Variants in CES5A observed in about 807,000 individuals in gnomAD.
CES5A encodes the protein carboxylesterase 5A.
A neutral mutation model predicts 62.9 loss-of-function variants in CES5A; 67 were observed. The observed-to-expected ratio is 1.07, with a 90% CI of 0.88 to 1.31. CES5A has a LOEUF of 1.31. CES5A is among the 50% of genes most tolerant of loss of function. CES5A has a pLI of 0.00. For missense variants in CES5A, 748 were observed against 708.5 expected, an observed-to-expected ratio of 1.06 and a Z score of -0.63; for synonymous variants, 296 against 280.8, an observed-to-expected ratio of 1.05 and a Z score of -0.54.
intron 2 of CES5A, chr16:55,944,052 A>T (rs1290082919): frequency 4.3e-6 from 3 of 702,098 alleles, no homozygotes; most frequent in Non-Finnish European, 7.8e-6. Flanking sequence ...ACTCACCTCC[A>T]TGCAGAGAAG....
Position 55,862,788 on chromosome 16 carries a change from C to T in CES5A, c.810+560G>A, listed in dbSNP as rs371810674. 3.0e-4 allele frequency among the ~76,000 whole-genome samples: 46 copies of T among 152,284 alleles called. No homozygotes were observed. The East Asian group carries it at 7.9e-3, about 26-fold the overall frequency. The stretch of plus-strand genomic sequence containing the variant: ...ACTCATTCATCCGGAACACTTATGG[C>T]TGCCTGATATATACCAGGTATTATG... On this transcript the variant is annotated intron_variant, in intron 6 of 12. Transcript: ENST00000290567.
chr16:55,916,119 C>T (rs112000921), intron 1 of CES5A, among the ~76,000 whole-genome samples: 2,318 of 152,206 alleles, frequency 0.015, 74 homozygotes, highest in African/African-American at 0.053. Context: ...GGGTGGGGGC[C>T]ACAGGACCAG....
intron 1 of CES5A, among the ~76,000 whole-genome samples, chr16:55,919,085 G>T (rs1263173923): frequency 6.6e-6 from 1 of 152,162 alleles, no homozygotes; most frequent in Non-Finnish European, 1.5e-5. Flanking sequence ...AATCGGCTGA[G>T]ACCCAACTCT....
intron 1 of CES5A, among the ~76,000 whole-genome samples, chr16:55,903,199 T>C (rs2034008117): frequency 1.3e-5 from 2 of 151,964 alleles, no homozygotes; most frequent in Admixed American, 6.6e-5. Flanking sequence ...AGGGCACTCC[T>C]GGTATGATGC....
rs562879929 is a variant in CES5A at position 55,870,424 on chromosome 16, G to T, written c.418-680C>A. 1.1e-4 allele frequency among the ~76,000 whole-genome samples: 17 copies of T among 152,262 alleles called. No homozygotes were observed. In the East Asian group the frequency reaches 2.7e-3, roughly 24 times the overall value. ...AAGGAAGAGAAAGAGGAAGGGTCAGGCACAGTGGCTCACGCCTGTAATCCC... is the reference window on the plus strand; with the variant it reads ...AAGGAAGAGAAAGAGGAAGGGTCAGTCACAGTGGCTCACGCCTGTAATCCC... On this transcript the variant is annotated intron_variant, in intron 3 of 12. Coordinates refer to ENST00000290567, the MANE Select transcript of CES5A (RefSeq NM_001143685.2).
intron 3 of CES5A, among the ~76,000 whole-genome samples, chr16:55,870,777 T>C (rs2033567004): frequency 6.6e-6 from 1 of 152,186 alleles, no homozygotes; most frequent in Non-Finnish European, 1.5e-5. Context: ...AATGGCATTA[T>C]CTTTATTTAT....
chr16:55,954,391 C>A (rs111813127), intron 1 of CES5A, among the ~76,000 whole-genome samples: 1 of 152,322 alleles, frequency 6.6e-6, no homozygotes, highest in Non-Finnish European at 1.5e-5. Context: ...CCTGGAGACA[C>A]GCTAAAGCTT....
chr16:55,955,223 C>T (rs2034596603), intron 1 of CES5A, among the ~76,000 whole-genome samples: 1 of 152,040 alleles, frequency 6.6e-6, no homozygotes, highest in Non-Finnish European at 1.5e-5. Context: ...CCTTCTTTTT[C>T]AAATACCAAT....
At chr16:55,917,215 C>T (rs1351133868) in intron 1 of CES5A, among the ~76,000 whole-genome samples, 1 of 152,238 alleles carries the variant, frequency 6.6e-6, no homozygotes, top group African/African-American at 2.4e-5. Context: ...CACCTTTGAC[C>T]TCTCCCTTAA....
At chr16:55,949,786 C>T in exon 2 of CES5A, 1 of 1,448,218 alleles carries the variant, frequency 6.9e-7, no homozygotes, top group Non-Finnish European at 9.2e-7. Context: ...ACAACTCACC[C>T]TCATCTTTGG....
chr16:55,932,582 C>G (rs1286894752), intron 2 of CES5A, among the ~76,000 whole-genome samples: 5 of 151,722 alleles, frequency 3.3e-5, no homozygotes. Flanking sequence ...GTGGGCAACT[C>G]TGGATAGAGT....
At chr16:55,942,572 T>C (rs1215789195) in intron 2 of CES5A, among the ~76,000 whole-genome samples, 1 of 152,198 alleles carries the variant, frequency 6.6e-6, no homozygotes, top group Non-Finnish European at 1.5e-5. Flanking sequence ...GGAACTCTGG[T>C]GTGTCACTGT....
At chr16:55,903,242 G>A (rs1362579314) in intron 1 of CES5A, among the ~76,000 whole-genome samples, 7 of 152,152 alleles carry the variant, frequency 4.6e-5, no homozygotes, top group South Asian at 2.1e-4. Flanking sequence ...GTGTCAACAC[G>A]CTTTCTACAC....
intron 9 of CES5A, among the ~76,000 whole-genome samples, chr16:55,856,144 C>T (rs2033238041): frequency 6.6e-6 from 1 of 152,126 alleles, no homozygotes; most frequent in South Asian, 2.1e-4. Flanking sequence ...TCCTGTACAG[C>T]CTGCAGCATC....
At chr16:55,865,651 A>T (rs1172447019) in intron 5 of CES5A, among the ~76,000 whole-genome samples, 1 of 152,234 alleles carries the variant, frequency 6.6e-6, no homozygotes, top group Non-Finnish European at 1.5e-5. Context: ...TGAGTTTCCT[A>T]TTAAACAAGT....
At chr16:55,918,414 A>G (rs2034168996) in intron 1 of CES5A, among the ~76,000 whole-genome samples, 2 of 152,272 alleles carry the variant, frequency 1.3e-5, no homozygotes, top group African/African-American at 2.4e-5. Context: ...CTCAATTGAA[A>G]TATCTCTTCC....
upstream of CES5A, among the ~76,000 whole-genome samples, chr16:55,880,132 A>C (rs2142423709): frequency 6.6e-6 from 1 of 152,248 alleles, no homozygotes; most frequent in Middle Eastern, 3.4e-3. Flanking sequence ...CAGGTCACAA[A>C]ACTTCAGCCC....
At chr16:55,945,307 A>C (rs2034482874) in intron 2 of CES5A, among the ~76,000 whole-genome samples, 1 of 152,240 alleles carries the variant, frequency 6.6e-6, no homozygotes. Context: ...ATGGCTTGGA[A>C]AAGTTAAGCA....
At chr16:55,870,574 T>C (rs2033561752) in intron 3 of CES5A, among the ~76,000 whole-genome samples, 1 of 152,090 alleles carries the variant, frequency 6.6e-6, no homozygotes, top group African/African-American at 2.4e-5. Flanking sequence ...GGCAGGCACC[T>C]GTAATCCCAG....
Sources: gnomAD v4.1 joint callset for allele counts (sites outside exome capture counted in the v4.1 genomes callset) on GRCh38, gnomAD v4.1.1 for gene constraint, MANE v1.5 for transcripts, NCBI Gene and HGNC (gene_info 2026-07-23, HGNC 2026-07-21) for gene names.